RABGAP1L: variants seen among roughly 807,000 people sequenced by gnomAD.
The protein encoded by RABGAP1L is RAB GTPase activating protein 1 like.
RABGAP1L carries 63 observed loss-of-function variants against 137.7 expected under a neutral mutation model. The observed-to-expected ratio is 0.46, with a 90% CI of 0.37 to 0.56. The LOEUF is 0.56. RABGAP1L is among the 20% of genes least tolerant of loss of function. The pLI is 0.00. For synonymous variants in RABGAP1L, 431 were observed against 433.7 expected, an observed-to-expected ratio of 0.99 and a Z score of 0.08; for missense variants, 1,095 against 1,244.0, an observed-to-expected ratio of 0.88 and a Z score of 1.80.
In RABGAP1L at chr1:174,801,773, A is replaced by AGTTTT. The variant is rs56317866; in HGVS notation, c.2212-10036_2212-10032dup. ...GGATTCATGATTCTATTTAGAAAGG[A>AGTTTT]GTTTTGTTTTGTTTTGTTTTGTTTT... On this transcript the variant is annotated intron_variant, in intron 18 of 25. Coordinates refer to ENST00000681986, the MANE Select transcript of RABGAP1L (RefSeq NM_001366446.1). Among the ~76,000 whole-genome samples the AGTTTT allele has an allele frequency of 4.0e-3, 599 of 151,528 alleles. 5 individuals are homozygous for AGTTTT. Among genetic ancestry groups the AGTTTT allele is most frequent in the African/African-American group, 0.014 (560 of 41,436 alleles).
chr1:174,195,672 CCTTCTTTCCTTCTTTCCTT>C (rs1667561111), intron 1 of RABGAP1L, among the ~76,000 whole-genome samples: 1 of 72,762 alleles, frequency 1.4e-5, no homozygotes, highest in African/African-American at 8.7e-5. Context: ...CCTTTCCTTT[CCTTCTTTCCTTCTTTCCTT>C]CTTTCCTTCT....
intron 11 of RABGAP1L, among the ~76,000 whole-genome samples, chr1:174,361,029 T>C (rs1007726618): frequency 7.3e-5 from 11 of 151,692 alleles, no homozygotes; most frequent in African/African-American, 2.7e-4. Flanking sequence ...TGGTGGTGAG[T>C]GCTTGTAGTC....
chr1:174,785,238 A>G lies in RABGAP1L; in HGVS notation c.2212-26594A>G, dbSNP rs182216668. ...CGCCGCCAATCACAACTAATTTTGT[A>G]TTTTTAGTAGAGACAGGGTTTCACT... On this transcript the variant is annotated intron_variant, in intron 18 of 25. Transcript: ENST00000681986. Among the ~76,000 whole-genome samples the G allele has an allele frequency of 5.0e-3, 755 of 152,020 alleles. 2 individuals carry two copies. Among genetic ancestry groups the G allele is most frequent in the Non-Finnish European group, 7.8e-3 (527 of 67,960 alleles).
chr1:174,219,989 A>G (rs1272829776), intron 2 of RABGAP1L, among the ~76,000 whole-genome samples: 1 of 152,244 alleles, frequency 6.6e-6, no homozygotes, highest in Non-Finnish European at 1.5e-5. Flanking sequence ...AATAAAATAT[A>G]TTCTGAAAAT....
chr1:174,891,200 C>A (rs1656082592), intron 19 of RABGAP1L, among the ~76,000 whole-genome samples: 1 of 152,082 alleles, frequency 6.6e-6, no homozygotes, highest in Admixed American at 6.5e-5. Context: ...ATGTTCCAGG[C>A]AGAAGGAATA....
intron 13 of RABGAP1L, among the ~76,000 whole-genome samples, chr1:174,439,789 A>C (rs2149225413): frequency 6.6e-6 from 1 of 152,328 alleles, no homozygotes; most frequent in Non-Finnish European, 1.5e-5. Flanking sequence ...ATTATGTTAA[A>C]CACTTATTTG....
intron 17 of RABGAP1L, 112 bp downstream of exon 17, chr1:174,702,368 A>C: frequency 4.4e-5 from 35 of 796,692 alleles, no homozygotes; most frequent in Non-Finnish European, 6.1e-5. Context: ...ATAAATACTC[A>C]CTGACCAAAA....
intron 13 of RABGAP1L, among the ~76,000 whole-genome samples, chr1:174,437,124 CAG>C (rs1312794601): frequency 6.6e-6 from 1 of 152,278 alleles, no homozygotes; most frequent in Non-Finnish European, 1.5e-5. Flanking sequence ...GGGGAGAAAA[CAG>C]AGCAGAAAAA....
chr1:174,251,324 C>G (rs1558071618), intron 6 of RABGAP1L, among the ~76,000 whole-genome samples: 2 of 150,154 alleles, frequency 1.3e-5, no homozygotes, highest in Non-Finnish European at 3.0e-5. Flanking sequence ...TTAACAGTAA[C>G]TGATAATATA....
In RABGAP1L at chr1:174,793,133, C is replaced by CA. The variant is rs1386209016; in HGVS notation, c.2212-18690dup. Among the ~76,000 whole-genome samples the CA allele has an allele frequency of 1.9e-3, 273 of 146,168 alleles. 1 individual carries two copies. Among genetic ancestry groups the CA allele is most frequent in the African/African-American group, 5.8e-3 (230 of 39,682 alleles). On this transcript the variant is annotated intron_variant, in intron 18 of 25. Transcript: ENST00000681986. Reference sequence around the variant, plus strand: ...GTTAACAAGAGCGAAACTCCATCTCCAAAAAAAAAGAAAAAAAGAAAAAGA... The same window carrying CA: ...GTTAACAAGAGCGAAACTCCATCTCCAAAAAAAAAAGAAAAAAAGAAAAAGA...
At chr1:174,874,772 G>A (rs945835224) in intron 19 of RABGAP1L, among the ~76,000 whole-genome samples, 3 of 151,802 alleles carry the variant, frequency 2.0e-5, no homozygotes, top group East Asian at 1.9e-4. Context: ...TTCTGAGACC[G>A]GAGAAAATGA....
At chr1:174,240,264 T>G (rs1671686753) in intron 4 of RABGAP1L, among the ~76,000 whole-genome samples, 1 of 151,976 alleles carries the variant, frequency 6.6e-6, no homozygotes, top group Non-Finnish European at 1.5e-5. Context: ...TTTTTGTTTT[T>G]GAGACACAGT....
chr1:174,857,067 T>A (rs944922085), intron 19 of RABGAP1L, among the ~76,000 whole-genome samples: 4 of 152,216 alleles, frequency 2.6e-5, no homozygotes, highest in African/African-American at 9.6e-5. Context: ...TCAAGTTAAA[T>A]CAAGTGGTAT....
intron 13 of RABGAP1L, 67 bp from the exon 14 acceptor site, chr1:174,637,308 G>T (rs1674137223): frequency 1.9e-6 from 2 of 1,073,464 alleles, no homozygotes; most frequent in East Asian, 2.5e-5. Context: ...TTTTTACCAT[G>T]TGTATATATT....
chr1:174,613,020 T>G (rs1488346727), intron 13 of RABGAP1L, among the ~76,000 whole-genome samples: 1 of 151,696 alleles, frequency 6.6e-6, no homozygotes, highest in Non-Finnish European at 1.5e-5. Context: ...CCTAGATTCA[T>G]TAATTTTTTG....
chr1:174,166,436 G>C lies in RABGAP1L; in HGVS notation c.-34+6779G>C, dbSNP rs144187982. The stretch of plus-strand genomic sequence containing the variant: ...TAAGCTGAGTAGCTTTTAGAATTTA[G>C]GGCAGCAAAGCAGGGTATTTTATAC... On this transcript the variant is annotated intron_variant, in intron 1 of 25. Coordinates refer to ENST00000681986, the MANE Select transcript of RABGAP1L (RefSeq NM_001366446.1). Among the ~76,000 whole-genome samples, 33 of 152,268 alleles carry C rather than the reference G, an allele frequency of 2.2e-4. No individual in the cohort carries two copies. In the East Asian group the frequency reaches 6.4e-3, roughly 29 times the overall value.
intron 13 of RABGAP1L, among the ~76,000 whole-genome samples, chr1:174,576,497 G>T (rs543928207): frequency 5.9e-5 from 9 of 152,274 alleles, no homozygotes; most frequent in Admixed American, 2.0e-4. Context: ...CAAATCACAC[G>T]CTGTTGGCTC....
intron 13 of RABGAP1L, among the ~76,000 whole-genome samples, chr1:174,444,946 C>T (rs913432328): frequency 1.3e-4 from 20 of 151,964 alleles, no homozygotes; most frequent in African/African-American, 4.1e-4. Context: ...TAACCTATTT[C>T]GGTCCCATTT....
chr1:174,450,378 C>T (rs1655297932), intron 13 of RABGAP1L, among the ~76,000 whole-genome samples: 1 of 152,068 alleles, frequency 6.6e-6, no homozygotes, highest in African/African-American at 2.4e-5. Context: ...ATTATGTTAT[C>T]TGTGCCTAAC....
Sources: gnomAD v4.1 joint callset for allele counts (sites outside exome capture counted in the v4.1 genomes callset) on GRCh38, gnomAD v4.1.1 for gene constraint, MANE v1.5 for transcripts, NCBI Gene and HGNC (gene_info 2026-07-23, HGNC 2026-07-21) for gene names.